The following NECAB2 variants were observed in gnomAD, a reference collection of about 807,000 sequenced individuals.
NECAB2 encodes N-terminal EF-hand calcium binding protein 2.
In NECAB2, 68 loss-of-function variants were observed where a neutral mutation model predicts 51.9. The observed-to-expected ratio is 1.31, with a 90% CI of 1.08 to 1.60. The LOEUF (loss-of-function observed/expected upper bound fraction) is 1.60. Ranked by LOEUF, NECAB2 falls within the 40% of genes most tolerant of loss-of-function variation. The pLI is 0.00. For synonymous variants in NECAB2, 329 were observed against 203.5 expected, an observed-to-expected ratio of 1.62 and a Z score of -5.25; for missense variants, 854 against 490.3, an observed-to-expected ratio of 1.74 and a Z score of -7.00.
intron 6 of NECAB2, among the ~76,000 whole-genome samples, chr16:83,994,008 C>G (rs140398531): frequency 2.0e-3 from 300 of 152,296 alleles, no homozygotes; most frequent in Non-Finnish European, 3.8e-3. Context: ...GGGTGGGTCC[C>G]TGGCTCAGCC....
intron 8 of NECAB2, among the ~76,000 whole-genome samples, 178 bp downstream of exon 8, chr16:83,994,866 G>T (rs2084675288): frequency 6.6e-6 from 1 of 152,178 alleles, no homozygotes; most frequent in African/African-American, 2.4e-5. Flanking sequence ...AACCCCGGGG[G>T]ATGCTCGTGT....
At chr16:83,972,803 T>A (rs917652942) in intron 2 of NECAB2, among the ~76,000 whole-genome samples, 2 of 152,166 alleles carry the variant, frequency 1.3e-5, no homozygotes, top group Admixed American at 1.3e-4. Context: ...TTCTCCCGAC[T>A]CCTTGGAGGG....
At chr16:83,998,344 G>T in intron 10 of NECAB2, 27 bp downstream of exon 10, 2 of 1,606,344 alleles carry the variant, frequency 1.2e-6, no homozygotes. Flanking sequence ...GGCGTGGGTG[G>T]GATGGTGGCA....
chr16:83,984,538 C>T (rs1597209065), intron 5 of NECAB2, among the ~76,000 whole-genome samples: 1 of 151,922 alleles, frequency 6.6e-6, no homozygotes. Context: ...CCCTGGGCAA[C>T]ATAGTGGGAC....
intron 2 of NECAB2, among the ~76,000 whole-genome samples, chr16:83,977,071 C>T (rs1332010832): frequency 6.6e-6 from 1 of 152,236 alleles, no homozygotes; most frequent in African/African-American, 2.4e-5. Context: ...TGACACTGGT[C>T]TCATCCTCTC....
chr16:83,999,809 G>C (rs1349329464), intron 10 of NECAB2, among the ~76,000 whole-genome samples: 1 of 152,160 alleles, frequency 6.6e-6, no homozygotes, highest in Non-Finnish European at 1.5e-5. Flanking sequence ...CAGTGGGGGT[G>C]TTGCAAGGAT....
At chr16:84,000,875 A>G (rs1463820098) in intron 11 of NECAB2, 74 bp downstream of exon 11, 1 of 1,465,286 alleles carries the variant, frequency 6.8e-7, no homozygotes. Flanking sequence ...GGAGCCAGGC[A>G]TCCTTGGAGG....
At chr16:83,984,162 A>AT (rs1279886701) in intron 5 of NECAB2, among the ~76,000 whole-genome samples, 1 of 151,590 alleles carries the variant, frequency 6.6e-6, no homozygotes, top group African/African-American at 2.4e-5. Flanking sequence ...CGCCTGGCTA[A>AT]TTTTTTGTAT....
intron 8 of NECAB2, among the ~76,000 whole-genome samples, chr16:83,996,174 C>T (rs1025319543): frequency 1.3e-5 from 2 of 152,212 alleles, no homozygotes; most frequent in East Asian, 1.9e-4. Context: ...GGGGCAGATA[C>T]AGGGGCCACA....
At chr16:83,982,536 C>G (rs2084501459) in intron 5 of NECAB2, among the ~76,000 whole-genome samples, 1 of 152,184 alleles carries the variant, frequency 6.6e-6, no homozygotes, top group Admixed American at 6.5e-5. Context: ...GTGAGGTCAC[C>G]ATGTGCTCAC....
intron 1 of NECAB2, 106 bp downstream of exon 1, chr16:83,968,955 A>C: frequency 8.8e-6 from 6 of 685,482 alleles, no homozygotes; most frequent in Non-Finnish European, 1.1e-5. Flanking sequence ...GGCCCTCCCT[A>C]CCCGGGCAGG....
intron 2 of NECAB2, 138 bp downstream of exon 2, chr16:83,972,313 A>G (rs1246138006): frequency 8.2e-7 from 1 of 1,223,364 alleles, no homozygotes. Flanking sequence ...TAGAAGGCCA[A>G]ATCCTGCTGC....
intron 3 of NECAB2, among the ~76,000 whole-genome samples, chr16:83,980,008 C>T (rs2084464148): frequency 6.6e-6 from 1 of 152,232 alleles, no homozygotes; most frequent in Non-Finnish European, 1.5e-5. Context: ...GGAGGCACCT[C>T]CTGACAGAGC....
chr16:83,996,115 C>A (rs889301838), intron 8 of NECAB2, among the ~76,000 whole-genome samples: 1 of 152,204 alleles, frequency 6.6e-6, no homozygotes, highest in Non-Finnish European at 1.5e-5. Context: ...GGAGCTGCCT[C>A]TGGGCTGGAA....
intron 5 of NECAB2, among the ~76,000 whole-genome samples, chr16:83,982,381 C>G (rs1030441433): frequency 8.5e-5 from 13 of 152,202 alleles, no homozygotes; most frequent in African/African-American, 3.1e-4. Context: ...CTGCTCCCTT[C>G]AAGTATTAAT....
At chr16:83,988,217 G>A (rs375944232) in intron 5 of NECAB2, among the ~76,000 whole-genome samples, 51 of 151,848 alleles carry the variant, frequency 3.4e-4, no homozygotes, top group African/African-American at 1.2e-3. Context: ...TGCTTTATTC[G>A]GTCTGACTGT....
At chr16:83,995,623 T>G (rs1045466813) in intron 8 of NECAB2, among the ~76,000 whole-genome samples, 1 of 152,048 alleles carries the variant, frequency 6.6e-6, no homozygotes, top group African/African-American at 2.4e-5. Context: ...GGGATTGAGG[T>G]GGTTTTATGT....
intron 2 of NECAB2, among the ~76,000 whole-genome samples, chr16:83,975,813 G>C (rs1479745641): frequency 6.6e-6 from 1 of 152,176 alleles, no homozygotes; most frequent in Admixed American, 6.5e-5. Flanking sequence ...AATTAGCAAA[G>C]ACACCTGCAA....
intron 8 of NECAB2, among the ~76,000 whole-genome samples, 197 bp downstream of exon 8, chr16:83,994,885 C>A (rs1308305349): frequency 6.6e-6 from 1 of 152,090 alleles, no homozygotes; most frequent in Admixed American, 6.6e-5. Flanking sequence ...GTTGTTCAGG[C>A]CCAAGGAGGG....
Sources: allele counts gnomAD v4.1 joint callset (sites outside exome capture counted in the v4.1 genomes callset), GRCh38; gene constraint gnomAD v4.1.1; transcripts MANE v1.5; gene names NCBI Gene and HGNC (gene_info 2026-07-23, HGNC 2026-07-21).